Variants in CATSPERG observed in about 807,000 individuals in gnomAD.
CATSPERG encodes the protein cation channel sperm-associated auxiliary subunit gamma.
A neutral mutation model predicts 145.0 loss-of-function variants in CATSPERG; 115 were observed. The observed-to-expected ratio is 0.79, with a 90% CI of 0.68 to 0.93. The LOEUF is 0.93. Among genes scored for constraint, CATSPERG ranks in the 40% least tolerant of loss-of-function variants. The pLI is 0.00. For synonymous variants in CATSPERG, 588 were observed against 589.0 expected (o/e 1.00, Z 0.02); for missense variants, 1,296 against 1,490.1 (o/e 0.87, Z 2.14).
intron 11 of CATSPERG, 109 bp from the exon 12 acceptor site, chr19:38,358,169 G>C (rs1322025617): frequency 9.6e-7 from 1 of 1,041,356 alleles, no homozygotes; most frequent in African/African-American, 1.6e-5. Context: ...CGAGTGGGAA[G>C]CTCTTTGGAG....
Position 38,344,890 on chromosome 19 carries a change from T to C in CATSPERG, c.669+522T>C, listed in dbSNP as rs1199960540. Among the ~76,000 whole-genome samples, 162 of 82,142 alleles carry C rather than the reference T, an allele frequency of 2.0e-3. 1 individual carries two copies. Among genetic ancestry groups the C allele is most frequent in the South Asian group, 4.2e-3 (9 of 2,144 alleles). 53.9% of individuals were successfully genotyped at this position (82,142 alleles called of 152,430 possible). ...ACACACACACACACACACATATATA[T>C]ATATATATATATTTTTTTTTTTTTT... On this transcript the variant is annotated intron_variant, in intron 6 of 28. Coordinates refer to ENST00000409235, the MANE Select transcript of CATSPERG (RefSeq NM_021185.5).
Position 38,354,862 on chromosome 19 carries a change from C to G in CATSPERG, c.1135+15C>G. ...GACCATCAGAGGTAAGGGTGTGGGC[C>G]TCTGTCAGCCCCAGGGACCCCTCCA... On this transcript the variant is annotated intron_variant, in intron 9 of 28. Transcript: ENST00000409235. The G allele has an allele frequency of 1.9e-6, 3 of 1,612,256 alleles. No homozygotes were observed. Among genetic ancestry groups the G allele is most frequent in the Non-Finnish European group, 2.5e-6 (3 of 1,179,158 alleles).
At chr19:38,360,991 A>C (rs1366100702) in intron 16 of CATSPERG, 148 bp downstream of exon 16, 10 of 693,826 alleles carry the variant, frequency 1.4e-5, no homozygotes, top group Admixed American at 5.2e-5. Flanking sequence ...ATGGAAGCTC[A>C]GAGGAGGAGC....
chr19:38,367,140 T>C lies in CATSPERG; in HGVS notation c.2614-16T>C, dbSNP rs1208518542. ...GACCCTGGCCACCCCTGTGAGCCTT[T>C]TTTCCTCCCACCGAGGGCAACCTGA... On this transcript the variant is annotated splice_polypyrimidine_tract_variant and intron_variant, in intron 22 of 28. Transcript: ENST00000409235. The C allele has an allele frequency of 3.1e-6, 5 of 1,607,748 alleles. No individual in the cohort carries two copies. Among genetic ancestry groups the C allele is most frequent in the Non-Finnish European group, 4.2e-6 (5 of 1,177,434 alleles).
intron 26 of CATSPERG, 147 bp from the exon 27 acceptor site, chr19:38,369,825 G>A (rs759451570): frequency 9.2e-6 from 7 of 764,766 alleles, no homozygotes; most frequent in Non-Finnish European, 1.6e-5. Flanking sequence ...CAGCATGAAT[G>A]AATGAGTGAA....
chr19:38,349,114 A>G (rs1162086313), intron 7 of CATSPERG: 1 of 152,042 alleles, frequency 6.6e-6, no homozygotes, highest in African/African-American at 2.4e-5. Context: ...AGAAGATCCT[A>G]TGATCCTGTT....
chr19:38,360,170 C>T (rs369679763), intron 14 of CATSPERG: 28 of 985,298 alleles, frequency 2.8e-5, no homozygotes, highest in African/African-American at 8.7e-5. Flanking sequence ...AAAGAGGTCT[C>T]GGCTCTAGGA....
At chr19:38,341,355 G>C (rs1215933580) in intron 3 of CATSPERG, among the ~76,000 whole-genome samples, 1 of 152,196 alleles carries the variant, frequency 6.6e-6, no homozygotes, top group Non-Finnish European at 1.5e-5. Flanking sequence ...GACAGGACCA[G>C]GGTGTTAGTG....
chr19:38,368,705 C>G (rs757625383), intron 26 of CATSPERG, among the ~76,000 whole-genome samples: 10 of 152,238 alleles, frequency 6.6e-5, no homozygotes, highest in Non-Finnish European at 1.3e-4. Flanking sequence ...TGTGGCCCAC[C>G]AGGCTGGAGT....
At position 38,356,880 on chromosome 19, in the gene CATSPERG, G is replaced by C. The variant is rs765569963; in HGVS notation, c.1315+19G>C. ...AACACAGGTAATGAGGGTGATGCAA[G>C]GGGCTGGGCACAAAGGGGCAGGATC... On this transcript the variant is annotated intron_variant, in intron 11 of 28. Transcript: ENST00000409235. 1 of 1,613,362 alleles carries C rather than the reference G, an allele frequency of 6.2e-7. No individual in the cohort carries two copies. Among genetic ancestry groups the C allele is most frequent in the Admixed American group, 1.7e-5 (1 of 59,984 alleles).
At position 38,358,343 on chromosome 19, in the gene CATSPERG, C is replaced by T; in HGVS notation, c.1366+15C>T. 3 of 1,614,144 alleles carry T rather than the reference C, an allele frequency of 1.9e-6. No individual in the cohort carries two copies. Among genetic ancestry groups the T allele is most frequent in the Non-Finnish European group, 2.5e-6 (3 of 1,179,990 alleles). The stretch of plus-strand genomic sequence containing the variant: ...CATCCCTGAAGGTAGGAAGGGAAGG[C>T]AGACGTGGCCTCAGGGTGGCTGTGG... On this transcript the variant is annotated intron_variant, in intron 12 of 28. Transcript: ENST00000409235.
At chr19:38,364,758 T>G (rs1970419326) in intron 20 of CATSPERG, 133 bp from the exon 21 acceptor site, 1 of 723,254 alleles carries the variant, frequency 1.4e-6, no homozygotes, top group Admixed American at 2.0e-5. Context: ...TATTCCTGAG[T>G]AGAAAATGGC....
At chr19:38,364,485 C>T (rs993577050) in intron 20 of CATSPERG, among the ~76,000 whole-genome samples, 2 of 152,072 alleles carry the variant, frequency 1.3e-5, no homozygotes, top group South Asian at 4.1e-4. Context: ...CGATGGGCAG[C>T]CAGGCAGAGA....
intron 28 of CATSPERG, 55 bp from the exon 29 acceptor site, chr19:38,370,471 T>C: frequency 6.2e-7 from 1 of 1,605,062 alleles, no homozygotes; most frequent in South Asian, 1.1e-5. Flanking sequence ...ATGCAGATTG[T>C]GGACTGTGTA....
intron 9 of CATSPERG, among the ~76,000 whole-genome samples, chr19:38,356,050 T>C (rs1970237240): frequency 6.6e-6 from 1 of 152,084 alleles, no homozygotes; most frequent in Admixed American, 6.6e-5. Flanking sequence ...TTAGTGCTAG[T>C]GATGTGGTGA....
intron 26 of CATSPERG, among the ~76,000 whole-genome samples, chr19:38,368,470 G>T (rs1313182886): frequency 1.3e-5 from 2 of 152,188 alleles, no homozygotes; most frequent in Non-Finnish European, 2.9e-5. Flanking sequence ...TCCCAGAGTG[G>T]ACAGCTCTGG....
chr19:38,370,617 G>A lies in CATSPERG; in HGVS notation c.3305G>A (p.Arg1102Gln), dbSNP rs771758473. The change falls in exon 29 of 29, where the codon CGG becomes CAG. Residue 1102 changes from arginine to glutamine, a missense_variant. Transcript: ENST00000409235. The part of the protein sequence containing the change: ...PLVVKGCTMI[R>Q]WKINNLIASE... ...GTGGTGAAGGGCTGCACGATGATCC[G>A]GTGGAAGATAAACAACCTCATTGCC... 11 of 1,614,006 alleles carry A rather than the reference G, an allele frequency of 6.8e-6. No individual in the cohort carries two copies. The highest frequency in any genetic ancestry group is 1.6e-4 in the Middle Eastern group (1 of 6,084).
At position 38,362,267 on chromosome 19, in the gene CATSPERG, G is replaced by C. The variant is rs778867060; in HGVS notation, c.2152G>C (p.Asp718His). 1.4e-5 allele frequency: 23 copies of C among 1,613,264 alleles called. No homozygotes were observed. The highest frequency in any genetic ancestry group is 1.7e-4 in the Middle Eastern group (1 of 6,058). Residue 718 changes from aspartate (D) to histidine (H), a missense_variant, in exon 18 of 29, where the codon GAC (aspartate) becomes CAC (histidine). Physicochemically the swap from Asp to His is moderately conservative, Grantham distance 81. Transcript: ENST00000409235. ...TWRWWANNKQDQDYYFFLASN... is the reference protein window; with the variant it reads ...TWRWWANNKQHQDYYFFLASN... ...GCGCTGGTGGGCGAACAACAAACAAGACCAGGTAGGCGGAGCGGATTGGGA... is the reference window on the plus strand; with the variant it reads ...GCGCTGGTGGGCGAACAACAAACAACACCAGGTAGGCGGAGCGGATTGGGA...
In CATSPERG at chr19:38,359,473, T is replaced by C; in HGVS notation, c.1500T>C (p.Ser500=). Residue 500 remains serine, a synonymous_variant, in exon 14 of 29, where the codon TCT becomes TCC. Transcript: ENST00000409235. ...FIWGNFLLQS[S]NKENFIYLAD... ...CTCTCCATCTCTGTCCCTGCAGCTC[T>C]AACAAGGAAAACTTCATCTACCTGG... is the stretch of plus-strand genomic sequence containing the variant. The C allele has an allele frequency of 1.9e-6, 3 of 1,610,826 alleles. No homozygotes were observed. The highest frequency in any genetic ancestry group is 2.2e-5 in the South Asian group (2 of 91,018).
Sources: allele counts gnomAD v4.1 joint callset (sites outside exome capture counted in the v4.1 genomes callset), GRCh38; gene constraint gnomAD v4.1.1; transcripts MANE v1.5; gene names NCBI Gene and HGNC (gene_info 2026-07-23, HGNC 2026-07-21).